C1QTNF9: variants seen among roughly 807,000 people sequenced by gnomAD.
C1QTNF9 encodes complement C1q and tumor necrosis factor-related protein 9A.
In C1QTNF9, 6 loss-of-function variants were observed where a neutral mutation model predicts 10.1. That is an observed-to-expected ratio of 0.59 (90% CI 0.32 to 1.17). C1QTNF9 has a LOEUF of 1.17. Among genes scored for constraint, C1QTNF9 ranks in the 50% most tolerant of loss-of-function variants. The probability of loss-of-function intolerance (pLI) is 0.04; values close to 1 mark genes in which losing one functional copy is unlikely to be tolerated. For synonymous variants in C1QTNF9, 98 were observed against 163.5 expected (o/e 0.60, Z 3.06); for missense variants, 201 against 418.8 (o/e 0.48, Z 4.54).
chr13:24,314,904 C>CGT (rs1230035415), intron 1 of C1QTNF9, among the ~76,000 whole-genome samples: 2 of 150,290 alleles, frequency 1.3e-5, no homozygotes, highest in Middle Eastern at 3.2e-3. Context: ...GTGATGTTTC[C>CGT]GTGTGTGTGG....
chr13:24,317,162 G>T (rs1485988047), intron 2 of C1QTNF9, among the ~76,000 whole-genome samples: 1 of 151,988 alleles, frequency 6.6e-6, no homozygotes, highest in Non-Finnish European at 1.5e-5. Flanking sequence ...CACTGTTCCA[G>T]TCCCCAGGTA....
exon 4 of C1QTNF9, chr13:24,321,482 G>A: frequency 6.2e-7 from 1 of 1,613,682 alleles, no homozygotes; most frequent in Non-Finnish European, 8.5e-7. Flanking sequence ...ACAGCAGCGG[G>A]GAAATTCACG....
chr13:24,319,797 T>A (rs964682496), intron 3 of C1QTNF9, among the ~76,000 whole-genome samples: 10 of 152,232 alleles, frequency 6.6e-5, no homozygotes, highest in African/African-American at 2.2e-4. Flanking sequence ...GGCAAACTTG[T>A]GTAATCTTCA....
upstream of C1QTNF9, among the ~76,000 whole-genome samples, chr13:24,309,301 A>ATATATATATATATATATC (rs1877725727): frequency 7.0e-6 from 1 of 142,438 alleles, no homozygotes; most frequent in Non-Finnish European, 1.5e-5. Context: ...ATATATATAT[A>ATATATATATATATATATC]TATATATGAA....
intron 2 of C1QTNF9, among the ~76,000 whole-genome samples, chr13:24,317,401 A>G (rs1878082925): frequency 6.6e-6 from 1 of 152,120 alleles, no homozygotes; most frequent in African/African-American, 2.4e-5. Flanking sequence ...CCTATATTCA[A>G]TACCAAATTT....
At chr13:24,309,881 G>C (rs888168057) in intron 1 of C1QTNF9, among the ~76,000 whole-genome samples, 6 of 152,136 alleles carry the variant, frequency 3.9e-5, no homozygotes, top group African/African-American at 1.4e-4. Flanking sequence ...CATAGAATAA[G>C]TCATAAGAAT....
intron 1 of C1QTNF9, among the ~76,000 whole-genome samples, chr13:24,312,882 G>A (rs1358139842): frequency 1.3e-5 from 2 of 150,312 alleles, no homozygotes; most frequent in Non-Finnish European, 2.9e-5. Flanking sequence ...GCGAACCCGG[G>A]AGGCAGAGCT....
At chr13:24,320,519 G>A (rs1199043161) in intron 3 of C1QTNF9, among the ~76,000 whole-genome samples, 1 of 152,028 alleles carries the variant, frequency 6.6e-6, no homozygotes, top group African/African-American at 2.4e-5. Flanking sequence ...TGAGTATCTG[G>A]AACTACAGTT....
At chr13:24,319,501 T>C (rs1026372679) in intron 3 of C1QTNF9, among the ~76,000 whole-genome samples, 5 of 152,122 alleles carry the variant, frequency 3.3e-5, no homozygotes, top group Non-Finnish European at 7.3e-5. Context: ...ATCTCGTCAC[T>C]GCACTCCAGC....
chr13:24,318,592 G>T (rs549828793), intron 2 of C1QTNF9, among the ~76,000 whole-genome samples: 127 of 152,194 alleles, frequency 8.3e-4, no homozygotes, highest in Non-Finnish European at 4.7e-4. Flanking sequence ...GGGCGCTTGG[G>T]AAGTCACTCA....
In C1QTNF9 at chr13:24,310,911, C is replaced by CAAA. The variant is rs58299891; in HGVS notation, c.-23+1315_-23+1317dup. Among the ~76,000 whole-genome samples, 106 of 82,988 alleles carry CAAA rather than the reference C, an allele frequency of 1.3e-3. 2 individuals are homozygous for CAAA. Among genetic ancestry groups the CAAA allele is most frequent in the African/African-American group, 5.7e-3 (101 of 17,708 alleles). The allele number at this position is 82,988 out of a possible 152,430, so 54.4% of individuals were successfully genotyped here. Reference sequence around the variant, plus strand: ...TGGGCAACAGAGCGAGGCTCTGTCTCAAAAAAAAAAAAAAAAAAAAAAGAT... The same window carrying CAAA: ...TGGGCAACAGAGCGAGGCTCTGTCTCAAAAAAAAAAAAAAAAAAAAAAAAAGAT... On this transcript the variant is annotated intron_variant, in intron 1 of 3. Transcript: ENST00000332018.
upstream of C1QTNF9, among the ~76,000 whole-genome samples, chr13:24,309,306 T>TATATATAA (rs963863876): frequency 1.5e-5 from 2 of 134,026 alleles, no homozygotes; most frequent in African/African-American, 5.9e-5. Flanking sequence ...TATATATATA[T>TATATATAA]ATGAAAGAAA....
intron 1 of C1QTNF9, among the ~76,000 whole-genome samples, chr13:24,311,355 TA>T (rs1047541252): frequency 7.9e-5 from 12 of 152,228 alleles, no homozygotes; most frequent in Non-Finnish European, 1.8e-4. Context: ...TTGGGGGGAC[TA>T]AAAAACATTA....
intron 1 of C1QTNF9, among the ~76,000 whole-genome samples, chr13:24,310,866 C>T (rs1156717562): frequency 2.8e-5 from 4 of 144,550 alleles, no homozygotes; most frequent in Non-Finnish European, 3.0e-5. Context: ...GAGCCGAGAT[C>T]GCGCCACTGC....
chr13:24,316,596 C>T (rs762927158), intron 2 of C1QTNF9, among the ~76,000 whole-genome samples: 64 of 152,380 alleles, frequency 4.2e-4, no homozygotes, highest in Middle Eastern at 3.4e-3. Flanking sequence ...AGCTGCAGTG[C>T]AGGTGAGAGC....
intron 1 of C1QTNF9, among the ~76,000 whole-genome samples, chr13:24,312,151 C>CCCAAGTGAT (rs1877850655): frequency 6.6e-6 from 1 of 152,228 alleles, no homozygotes; most frequent in Admixed American, 6.5e-5. Context: ...CAGTCACCTT[C>CCCAAGTGAT]CCAAGTGATG....
chr13:24,308,599 G>T (rs1183576221), upstream of C1QTNF9, among the ~76,000 whole-genome samples: 5 of 152,214 alleles, frequency 3.3e-5, no homozygotes, highest in South Asian at 2.1e-4. Flanking sequence ...AGTCGGCGCC[G>T]CCGAGCTGGG....
At chr13:24,312,120 A>G (rs1235771835) in intron 1 of C1QTNF9, among the ~76,000 whole-genome samples, 2 of 152,234 alleles carry the variant, frequency 1.3e-5, no homozygotes, top group Non-Finnish European at 2.9e-5. Context: ...GAAAGCACTG[A>G]CAAGGATCAG....
At chr13:24,316,301 A>G (rs1254877924) in intron 2 of C1QTNF9, 132 bp downstream of exon 2, 4 of 1,340,346 alleles carry the variant, frequency 3.0e-6, no homozygotes, top group Non-Finnish European at 4.1e-6. Context: ...CAACCCAGCA[A>G]CACTCACTGG....
Sources: allele counts gnomAD v4.1 joint callset (sites outside exome capture counted in the v4.1 genomes callset), GRCh38; gene constraint gnomAD v4.1.1; transcripts MANE v1.5; gene names NCBI Gene and HGNC (gene_info 2026-07-23, HGNC 2026-07-21).